The following CRPPA variants were observed in gnomAD, a reference collection of about 807,000 sequenced individuals.
CRPPA encodes the protein CDP-L-ribitol pyrophosphorylase A, also known as D-ribitol-5-phosphate cytidylyltransferase.
Under a neutral mutation model 52.0 loss-of-function variants are expected in CRPPA, and 43 were observed. The ratio of observed to expected loss-of-function variants is 0.83; its 90% CI spans 0.65 to 1.07. The LOEUF (loss-of-function observed/expected upper bound fraction) is 1.07. Ranked by LOEUF, CRPPA falls within the 50% of genes least tolerant of loss-of-function variation. The pLI, the probability that CRPPA is intolerant of heterozygous loss-of-function variation, is 0.00. For synonymous variants in CRPPA, 250 were observed against 203.5 expected (o/e 1.23, Z -1.94); for missense variants, 629 against 551.7 (o/e 1.14, Z -1.40).
At chr7:16,366,410 C>T (rs1405030877) in intron 3 of CRPPA, among the ~76,000 whole-genome samples, 1 of 152,104 alleles carries the variant, frequency 6.6e-6, no homozygotes, top group Non-Finnish European at 1.5e-5. Flanking sequence ...ATCAAATTGA[C>T]AAAAGCTAGA....
rs532590516 is a variant in CRPPA, at chr7:16,249,624, C to T, written c.1119+8766G>A. 2.0e-4 allele frequency among the ~76,000 whole-genome samples: 31 copies of T among 152,324 alleles called. 1 individual carries two copies. In the South Asian group the frequency reaches 6.4e-3, roughly 32 times the overall value. On this transcript the variant is annotated intron_variant, in intron 8 of 9. Transcript: ENST00000407010. ...GGACTTCCAGCAAACTCCAACAAAC[C>T]TGCAGCTAAGGGGCCTGATTGTTAG...
intron 8 of CRPPA, among the ~76,000 whole-genome samples, chr7:16,238,849 C>T (rs1377740982): frequency 6.6e-6 from 1 of 151,888 alleles, no homozygotes. Context: ...AAAAAGAAGC[C>T]ATTTAGGTCT....
chr7:16,360,933 T>G (rs929579362), intron 3 of CRPPA, among the ~76,000 whole-genome samples: 7 of 151,880 alleles, frequency 4.6e-5, no homozygotes, highest in Non-Finnish European at 8.8e-5. Flanking sequence ...AAAAAAGCAA[T>G]CTCTGGAATA....
At chr7:16,115,872 T>C (rs927995537) in intron 9 of CRPPA, among the ~76,000 whole-genome samples, 4 of 151,928 alleles carry the variant, frequency 2.6e-5, no homozygotes, top group Non-Finnish European at 4.4e-5. Flanking sequence ...ATAGATTAGA[T>C]AGATAGAAAG....
intron 9 of CRPPA, among the ~76,000 whole-genome samples, chr7:16,186,341 G>A (rs991357228): frequency 6.6e-6 from 1 of 152,126 alleles, no homozygotes; most frequent in Non-Finnish European, 1.5e-5. Flanking sequence ...TAGTACCCTT[G>A]TAAGAGGCTA....
intron 3 of CRPPA, among the ~76,000 whole-genome samples, chr7:16,338,813 CTTTTT>C (rs59732453): frequency 1.7e-5 from 2 of 116,510 alleles, no homozygotes; most frequent in African/African-American, 3.4e-5. Context: ...TTCTAGCAAA[CTTTTT>C]TTTTTTTTTT....
At chr7:16,130,579 T>G (rs2128372716) in intron 9 of CRPPA, among the ~76,000 whole-genome samples, 1 of 152,314 alleles carries the variant, frequency 6.6e-6, no homozygotes. Flanking sequence ...CCACCCCTCC[T>G]TCTGTCAAAT....
chr7:16,387,896 C>G (rs934310497), intron 2 of CRPPA, among the ~76,000 whole-genome samples: 7 of 152,156 alleles, frequency 4.6e-5, no homozygotes, highest in African/African-American at 1.4e-4. Context: ...GACCATAAAA[C>G]AAGTTATAAG....
intron 9 of CRPPA, among the ~76,000 whole-genome samples, chr7:16,170,687 C>T (rs994293980): frequency 6.6e-6 from 1 of 152,184 alleles, no homozygotes; most frequent in African/African-American, 2.4e-5. Context: ...AGGCTCGGAG[C>T]ATGGGCATGG....
intron 8 of CRPPA, among the ~76,000 whole-genome samples, chr7:16,217,142 C>G (rs553363007): frequency 1.6e-3 from 235 of 146,756 alleles, no homozygotes; most frequent in African/African-American, 3.7e-3. Context: ...CCCTGACCCC[C>G]GAGCAGCCTA....
Position 16,421,196 on chromosome 7 carries a change from G to T in CRPPA, c.127C>A (p.His43Asn). ...QSVAGTEPGR[H>N]PQAVAAVLPA... ...AACACAGCTGCCACGGCTTGCGGGT[G>T]GCGCCCGGGCTCGGTCCCGGCCACG... Residue 43 changes from histidine to asparagine, a missense_variant, in exon 1 of 10, where the codon CAC becomes AAC. Physicochemically the swap from His to Asn is moderately conservative, Grantham distance 68 (BLOSUM62 1). Transcript: ENST00000407010. 7.4e-7 allele frequency: 1 copy of T among 1,342,516 alleles called. No homozygotes were observed. The highest frequency in any genetic ancestry group is 9.6e-7 in the Non-Finnish European group (1 of 1,041,300). The allele number at this position is 1,342,516 out of a possible 1,614,324, so 83.2% of individuals were successfully genotyped here. A position where few individuals can be genotyped will look rare whatever the true frequency, so the allele number is the denominator to read the frequency against.
chr7:16,352,645 G>C (rs991153456), intron 3 of CRPPA, among the ~76,000 whole-genome samples: 1 of 152,122 alleles, frequency 6.6e-6, no homozygotes, highest in Admixed American at 6.5e-5. Context: ...CTTGTACTTT[G>C]TTGGTAATAT....
chr7:16,321,345 A>G (rs1318427890), intron 3 of CRPPA, among the ~76,000 whole-genome samples: 1 of 152,134 alleles, frequency 6.6e-6, no homozygotes, highest in East Asian at 1.9e-4. Flanking sequence ...TGAGACAACA[A>G]AAGAAGAAAT....
chr7:16,108,536 A>C (rs1782199541), intron 9 of CRPPA, among the ~76,000 whole-genome samples: 1 of 151,946 alleles, frequency 6.6e-6, no homozygotes, highest in Non-Finnish European at 1.5e-5. Context: ...CACTTTCAAC[A>C]ATGAAAAGAT....
At chr7:16,214,119 G>C (rs1176191674) in intron 9 of CRPPA, among the ~76,000 whole-genome samples, 1 of 152,056 alleles carries the variant, frequency 6.6e-6, no homozygotes, top group Non-Finnish European at 1.5e-5. Flanking sequence ...TTCTTTTTGA[G>C]TTTGCATGTT....
At chr7:16,094,459 TAAAA>T (rs1781896247) in intron 9 of CRPPA, among the ~76,000 whole-genome samples, 1 of 152,108 alleles carries the variant, frequency 6.6e-6, no homozygotes, top group Non-Finnish European at 1.5e-5. Context: ...ATGTATCTTA[TAAAA>T]GCACTTCTTG....
chr7:16,286,062 T>TAATATTTAAAAAAAAAAA (rs1562608493), intron 5 of CRPPA, among the ~76,000 whole-genome samples: 1 of 32,370 alleles, frequency 3.1e-5, no homozygotes, highest in Non-Finnish European at 5.3e-5. Context: ...TATATATATA[T>TAATATTTAAAAAAAAAAA]ATATATATAT....
intron 3 of CRPPA, among the ~76,000 whole-genome samples, chr7:16,364,978 T>C (rs1412876604): frequency 6.6e-6 from 1 of 152,208 alleles, no homozygotes; most frequent in Non-Finnish European, 1.5e-5. Flanking sequence ...AGAAAAGTTA[T>C]AAAGGTCAAT....
intron 2 of CRPPA, among the ~76,000 whole-genome samples, chr7:16,379,375 C>T (rs1490172870): frequency 6.6e-6 from 1 of 152,168 alleles, no homozygotes; most frequent in Non-Finnish European, 1.5e-5. Flanking sequence ...CAGTACCATG[C>T]TGTTTTGGTT....
Sources: gnomAD v4.1 joint callset for allele counts (sites outside exome capture counted in the v4.1 genomes callset) on GRCh38, gnomAD v4.1.1 for gene constraint, MANE v1.5 for transcripts, NCBI Gene and HGNC (gene_info 2026-07-23, HGNC 2026-07-21) for gene names.